The following PPP2R2B variants were observed in gnomAD, a reference collection of about 807,000 sequenced individuals.
PPP2R2B encodes serine/threonine-protein phosphatase 2A 55 kDa regulatory subunit B beta isoform.
PPP2R2B carries 5 observed loss-of-function variants against 46.0 expected under a neutral mutation model. That is an observed-to-expected ratio of 0.11 (90% CI 0.06 to 0.23). The LOEUF (loss-of-function observed/expected upper bound fraction) is 0.23. PPP2R2B is among the 10% of genes least tolerant of loss of function. The pLI is 1.00. For synonymous variants in PPP2R2B, 215 were observed against 206.7 expected, an observed-to-expected ratio of 1.04 and a Z score of -0.34; for missense variants, 367 against 575.0, an observed-to-expected ratio of 0.64 and a Z score of 3.70.
At chr5:146,794,701 C>G (rs186892088) in intron 2 of PPP2R2B, among the ~76,000 whole-genome samples, 2 of 152,126 alleles carry the variant, frequency 1.3e-5, no homozygotes, top group African/African-American at 4.8e-5. Flanking sequence ...TCCTTCAATA[C>G]CAAATGCCAT....
chr5:147,045,872 C>T (rs1756521170), intron 1 of PPP2R2B, among the ~76,000 whole-genome samples: 2 of 152,080 alleles, frequency 1.3e-5, no homozygotes, highest in African/African-American at 4.8e-5. Context: ...ATGTACTCTC[C>T]TTTGCCTAAA....
chr5:146,783,310 G>T (rs1008184630), intron 2 of PPP2R2B, among the ~76,000 whole-genome samples: 4 of 152,100 alleles, frequency 2.6e-5, no homozygotes, highest in African/African-American at 9.7e-5. Context: ...CAGATGCTGT[G>T]AACATTACAA....
At chr5:147,056,027 C>A, upstream of PPP2R2B, 1 of 1,237,344 alleles carries the variant, frequency 8.1e-7, no homozygotes, top group Non-Finnish European at 1.0e-6. Flanking sequence ...ACAGGATTTG[C>A]TGAGTAAGTC....
At chr5:146,634,396 G>T (rs1004204606) in intron 7 of PPP2R2B, among the ~76,000 whole-genome samples, 1 of 152,050 alleles carries the variant, frequency 6.6e-6, no homozygotes, top group Non-Finnish European at 1.5e-5. Context: ...GTGCAGTGGG[G>T]CAATCTCAGC....
chr5:146,992,963 G>A (rs576549169), intron 1 of PPP2R2B, among the ~76,000 whole-genome samples: 2,617 of 152,156 alleles, frequency 0.017, 34 homozygotes, highest in Non-Finnish European at 0.027. Context: ...TATTTTTTTA[G>A]ATGGAGTCTT....
chr5:147,039,567 A>G (rs1389401647), intron 1 of PPP2R2B, among the ~76,000 whole-genome samples: 2 of 152,206 alleles, frequency 1.3e-5, no homozygotes, highest in East Asian at 3.9e-4. Context: ...CTTACCAGTA[A>G]GCACCCAAAT....
chr5:146,589,919 T>TGAGA lies in PPP2R2B; in HGVS notation c.*24_*27dup. 1 of 1,596,958 alleles carries TGAGA rather than the reference T, an allele frequency of 6.3e-7. No individual in the cohort carries two copies. Among genetic ancestry groups the TGAGA allele is most frequent in the Non-Finnish European group, 8.6e-7 (1 of 1,165,710 alleles). On this transcript the variant is annotated 3_prime_UTR_variant, in exon 10 of 10. Coordinates refer to ENST00000394411, the MANE Select transcript of PPP2R2B (RefSeq NM_181675.4). ...ACTTGTTTGACTAGTATTCAGTATG[T>TGAGA]GAGATTATTAAGTAATAACTTGTCC...
At chr5:146,598,420 T>C (rs939612335) in intron 8 of PPP2R2B, among the ~76,000 whole-genome samples, 1 of 152,198 alleles carries the variant, frequency 6.6e-6, no homozygotes, top group Admixed American at 6.5e-5. Context: ...TTATACTAAT[T>C]GTCTAGAAGA....
chr5:146,647,450 AG>A (rs1323724405), intron 6 of PPP2R2B, among the ~76,000 whole-genome samples: 8 of 152,194 alleles, frequency 5.3e-5, no homozygotes, highest in Admixed American at 1.3e-4. Flanking sequence ...CTCAGTGCTT[AG>A]GGCGGTCTGG....
At chr5:147,050,879 A>T (rs2151902474) in intron 1 of PPP2R2B, among the ~76,000 whole-genome samples, 1 of 152,154 alleles carries the variant, frequency 6.6e-6, no homozygotes. Flanking sequence ...GTGTCACTGG[A>T]AGATACTTGC....
chr5:146,841,007 T>C (rs1759606161), intron 2 of PPP2R2B, among the ~76,000 whole-genome samples: 1 of 152,166 alleles, frequency 6.6e-6, no homozygotes. Flanking sequence ...TTACAAGCAT[T>C]AAATTTTGAA....
intron 1 of PPP2R2B, among the ~76,000 whole-genome samples, chr5:147,041,416 C>T (rs1756292326): frequency 6.6e-6 from 1 of 152,164 alleles, no homozygotes. Context: ...CCAACTGAGA[C>T]TTAGAGAATT....
chr5:146,745,206 GAA>G (rs376909039), intron 2 of PPP2R2B, among the ~76,000 whole-genome samples: 5,697 of 39,370 alleles, frequency 0.14, 468 homozygotes, highest in Non-Finnish European at 0.28. Context: ...GAGAGAGAGA[GAA>G]AGAGACTATA....
chr5:147,021,446 A>G (rs964108816), intron 1 of PPP2R2B, among the ~76,000 whole-genome samples: 2 of 152,212 alleles, frequency 1.3e-5, no homozygotes, highest in African/African-American at 2.4e-5. Flanking sequence ...ACTAAGATGC[A>G]CATGTGCAGT....
intron 4 of PPP2R2B, among the ~76,000 whole-genome samples, chr5:146,696,859 C>T (rs543487410): frequency 9.9e-5 from 15 of 152,232 alleles, no homozygotes; most frequent in African/African-American, 3.1e-4. Context: ...AATAACTTTC[C>T]GCTTTTTTCC....
chr5:147,069,792 T>TTTTTGTTTG lies in PPP2R2B; in HGVS notation c.50+11266_50+11267insCAAACAAAA, dbSNP rs1554090571. Among the ~76,000 whole-genome samples the TTTTTGTTTG allele has an allele frequency of 7.1e-3, 868 of 123,044 alleles. 36 individuals are homozygous for TTTTTGTTTG. Among genetic ancestry groups the TTTTTGTTTG allele is most frequent in the African/African-American group, 0.028 (827 of 29,800 alleles). The allele number at this position is 123,044 out of a possible 152,430, so 80.7% of individuals were successfully genotyped here. On this transcript the variant is annotated intron_variant, in intron 2 of 10. Coordinates refer to the PPP2R2B transcript ENST00000394413. ...ATGAACACATTTTATACTGTTTTTT[T>TTTTTGTTTG]TTTTTTTTTTTTTTTTGAGATGGAG...
At chr5:146,918,995 C>T (rs1217679007) in intron 1 of PPP2R2B, among the ~76,000 whole-genome samples, 1 of 152,158 alleles carries the variant, frequency 6.6e-6, no homozygotes, top group Admixed American at 6.5e-5. Flanking sequence ...AGCTGAATGC[C>T]TGACACGAGT....
At chr5:146,816,010 T>G (rs898187552) in intron 2 of PPP2R2B, among the ~76,000 whole-genome samples, 1 of 152,192 alleles carries the variant, frequency 6.6e-6, no homozygotes, top group Non-Finnish European at 1.5e-5. Flanking sequence ...TGCTCCAGAT[T>G]AAAGTTCTTT....
chr5:147,008,878 A>T (rs1312223675), intron 1 of PPP2R2B, among the ~76,000 whole-genome samples: 1 of 152,190 alleles, frequency 6.6e-6, no homozygotes, highest in Non-Finnish European at 1.5e-5. Flanking sequence ...TTGGCCAGAG[A>T]ACCTGATCAT....
Sources: allele counts gnomAD v4.1 joint callset (sites outside exome capture counted in the v4.1 genomes callset), GRCh38; gene constraint gnomAD v4.1.1; transcripts MANE v1.5; gene names NCBI Gene and HGNC (gene_info 2026-07-23, HGNC 2026-07-21).